The following CCND3 variants were observed in gnomAD, a reference collection of about 807,000 sequenced individuals.
The protein encoded by CCND3 is G1/S-specific cyclin-D3.
CCND3 carries 9 observed loss-of-function variants against 28.7 expected under a neutral mutation model. The observed-to-expected ratio is 0.31, with a 90% CI of 0.19 to 0.55. The LOEUF is 0.55. CCND3 is among the 20% of genes least tolerant of loss of function. CCND3 has a pLI of 0.93. For missense variants in CCND3, 315 were observed against 385.8 expected (o/e 0.82, Z 1.54); for synonymous variants, 164 against 163.9 (o/e 1.00, Z 0.00).
At chr6:41,998,181 A>C (rs548470385) in intron 1 of CCND3, among the ~76,000 whole-genome samples, 1 of 151,552 alleles carries the variant, frequency 6.6e-6, no homozygotes, top group South Asian at 2.1e-4. Flanking sequence ...CCAGGTATTC[A>C]GGAAGCTGAG....
At chr6:41,953,519 C>A (rs1257774301) in intron 1 of CCND3, among the ~76,000 whole-genome samples, 1 of 151,894 alleles carries the variant, frequency 6.6e-6, no homozygotes, top group Non-Finnish European at 1.5e-5. Context: ...ATTTCAGTGC[C>A]CAAGGAATCT....
At chr6:41,985,922 C>G (rs199629971) in intron 1 of CCND3, among the ~76,000 whole-genome samples, 1 of 1,928 alleles carries the variant, frequency 5.2e-4, no homozygotes, top group Non-Finnish European at 0.031. Context: ...AGCCACCGCG[C>G]CCGGCCCAGT....
Position 42,015,904 on chromosome 6 carries a change from C to T in CCND3, c.-46+32597G>A, listed in dbSNP as rs552273191. Among the ~76,000 whole-genome samples the T allele has an allele frequency of 2.0e-5, 3 of 151,550 alleles. No individual in the cohort carries two copies. In the Admixed American group the frequency reaches 2.0e-4, roughly 10 times the overall value. ...AACACTGCTCTCTTAGCAGTTTTCA[C>T]GTATACAATACGTTTTTATTTTATT... On this transcript the variant is annotated intron_variant, in intron 1 of 4. Transcript: ENST00000372988.
At chr6:42,035,682 C>CTTT (rs70987564) in intron 1 of CCND3, among the ~76,000 whole-genome samples, 4 of 134,048 alleles carry the variant, frequency 3.0e-5, no homozygotes, top group Non-Finnish European at 4.7e-5. Context: ...CTTTTCTTTT[C>CTTT]TTTTTTTTTT....
intron 1 of CCND3, among the ~76,000 whole-genome samples, chr6:41,978,581 A>G (rs1043552937): frequency 1.3e-4 from 20 of 152,080 alleles, no homozygotes; most frequent in Non-Finnish European, 2.9e-4. Flanking sequence ...CCTGAGTTGA[A>G]AAGAGGATTC....
intron 1 of CCND3, chr6:41,940,900 G>T: frequency 1.3e-6 from 2 of 1,520,360 alleles, no homozygotes; most frequent in Non-Finnish European, 9.1e-7. Flanking sequence ...GGTCACCCAT[G>T]GTAGCCAGAG....
intron 1 of CCND3, among the ~76,000 whole-genome samples, chr6:41,984,091 A>C (rs557513515): frequency 6.6e-6 from 1 of 152,338 alleles, no homozygotes; most frequent in Admixed American, 6.5e-5. Flanking sequence ...TAATGTCCTC[A>C]ATATTCATCC....
intron 1 of CCND3, 122 bp from the exon 2 acceptor site, chr6:41,940,707 G>A (rs1775975434): frequency 1.3e-6 from 1 of 770,980 alleles, no homozygotes; most frequent in African/African-American, 1.7e-5. Flanking sequence ...AAGCTACTTA[G>A]AGAGACAAGG....
chr6:41,940,014 T>G (rs1775938320), intron 2 of CCND3, among the ~76,000 whole-genome samples: 1 of 152,146 alleles, frequency 6.6e-6, no homozygotes, highest in Admixed American at 6.5e-5. Flanking sequence ...CATGCCCTTC[T>G]GCTGCCAATA....
At chr6:42,021,322 G>A (rs1216576778) in intron 1 of CCND3, among the ~76,000 whole-genome samples, 1 of 152,180 alleles carries the variant, frequency 6.6e-6, no homozygotes, top group Non-Finnish European at 1.5e-5. Flanking sequence ...GTGAATAAGG[G>A]GGACTAGTAT....
At chr6:42,035,588 C>T (rs1396457688) in intron 1 of CCND3, among the ~76,000 whole-genome samples, 4 of 151,010 alleles carry the variant, frequency 2.6e-5, no homozygotes, top group African/African-American at 4.9e-5. Context: ...AGGATGGTCT[C>T]GATCTCCTGA....
chr6:41,967,207 A>G (rs1761912089), intron 1 of CCND3, among the ~76,000 whole-genome samples: 1 of 152,178 alleles, frequency 6.6e-6, no homozygotes, highest in Non-Finnish European at 1.5e-5. Flanking sequence ...GAAAGGGGGA[A>G]GGCGGAGGAG....
chr6:41,966,508 T>A (rs113589495), intron 1 of CCND3, among the ~76,000 whole-genome samples: 2 of 152,120 alleles, frequency 1.3e-5, no homozygotes, highest in African/African-American at 4.8e-5. Flanking sequence ...TATATGTTTA[T>A]CTCCAGGTGA....
At chr6:41,998,349 A>AT (rs34342484) in intron 1 of CCND3, among the ~76,000 whole-genome samples, 1,621 of 117,202 alleles carry the variant, frequency 0.014, 36 homozygotes, top group African/African-American at 0.046. Context: ...ACAATATCCA[A>AT]TTTTTTTTTT....
At chr6:41,954,250 TAAAA>T (rs34556754) in intron 1 of CCND3, among the ~76,000 whole-genome samples, 1,681 of 35,096 alleles carry the variant, frequency 0.048, 71 homozygotes, top group African/African-American at 0.1. Context: ...GATTCTGCCT[TAAAA>T]AAAAAAAAAA....
chr6:41,992,447 C>T lies in CCND3; in HGVS notation c.-45-51862G>A, dbSNP rs193191335. Among the ~76,000 whole-genome samples, 99 of 145,302 alleles carry T rather than the reference C, an allele frequency of 6.8e-4. 1 individual carries two copies. The Middle Eastern group carries it at 0.012, about 18-fold the overall frequency. On this transcript the variant is annotated intron_variant, in intron 1 of 4. Coordinates refer to the CCND3 transcript ENST00000372988. ...AAAGTGCTGGGATTACAGGCATGAGCCACCACACCCAGCCGGTTTTTTTTT... is the reference window on the plus strand; with the variant it reads ...AAAGTGCTGGGATTACAGGCATGAGTCACCACACCCAGCCGGTTTTTTTTT...
At chr6:41,992,421 CA>C (rs1762676932) in intron 1 of CCND3, among the ~76,000 whole-genome samples, 1 of 147,024 alleles carries the variant, frequency 6.8e-6, no homozygotes, top group Non-Finnish European at 1.5e-5. Flanking sequence ...CCTCAGCCCC[CA>C]AAGTGCTGGG....
chr6:42,027,871 C>T (rs1189041321), intron 1 of CCND3, among the ~76,000 whole-genome samples: 1 of 152,114 alleles, frequency 6.6e-6, no homozygotes, highest in Non-Finnish European at 1.5e-5. Context: ...CCTCAGCCTC[C>T]CAAGTAGCTG....
chr6:42,014,220 A>G (rs1260344766), intron 1 of CCND3, among the ~76,000 whole-genome samples: 1 of 151,058 alleles, frequency 6.6e-6, no homozygotes, highest in Admixed American at 6.6e-5. Context: ...AAAAAAAATT[A>G]GCCGGGCGAA....
Sources: allele counts gnomAD v4.1 joint callset (sites outside exome capture counted in the v4.1 genomes callset), GRCh38; gene constraint gnomAD v4.1.1; transcripts MANE v1.5; gene names NCBI Gene and HGNC (gene_info 2026-07-23, HGNC 2026-07-21).